YY1AP1: variants seen among roughly 807,000 people sequenced by gnomAD.
YY1AP1 encodes the protein YY1-associated protein 1.
YY1AP1 carries 43 observed loss-of-function variants against 39.9 expected under a neutral mutation model. That is an observed-to-expected ratio of 1.08 (90% CI 0.84 to 1.39). YY1AP1 has a LOEUF of 1.39. Among genes scored for constraint, YY1AP1 ranks in the 40% most tolerant of loss-of-function variants. The probability of loss-of-function intolerance (pLI) is 0.00; values close to 1 mark genes in which losing one functional copy is unlikely to be tolerated. For missense variants in YY1AP1, 813 were observed against 900.7 expected, an observed-to-expected ratio of 0.90 and a Z score of 1.25; for synonymous variants, 292 against 331.3, an observed-to-expected ratio of 0.88 and a Z score of 1.29.
intron 2 of YY1AP1, 161 bp downstream of exon 2, chr1:155,687,910 G>A: frequency 1.3e-6 from 1 of 783,006 alleles, no homozygotes; most frequent in Non-Finnish European, 1.9e-6. Context: ...GGACTTCCCG[G>A]TAGGCTCAGG....
intron 1 of YY1AP1, 54 bp from the exon 2 acceptor site, chr1:155,688,255 CTG>C (rs1302927439): frequency 6.2e-7 from 1 of 1,606,364 alleles, no homozygotes; most frequent in African/African-American, 1.3e-5. Context: ...AAGGGGCAAA[CTG>C]AGAGGAGGCG....
rs1423359846 is a variant in YY1AP1, at chr1:155,686,120, T to A, written c.-21+1951A>T. ...CGCAATCTCAGCTCACTGCAAGCTC[T>A]GCCTCCCGGGTTCACGCCATTCTCC... On this transcript the variant is annotated intron_variant, in intron 2 of 10. Transcript: ENST00000355499. 2.1e-5 allele frequency among the ~76,000 whole-genome samples: 3 copies of A among 145,822 alleles called. No individual in the cohort carries two copies. The East Asian group carries it at 6.4e-4, about 31-fold the overall frequency.
At chr1:155,688,262 G>C in intron 1 of YY1AP1, 61 bp from the exon 2 acceptor site, 1 of 1,602,740 alleles carries the variant, frequency 6.2e-7, no homozygotes, top group Middle Eastern at 1.7e-4. Context: ...AAACTGAGAG[G>C]AGGCGGATCC....
At chr1:155,668,552 C>A in intron 9 of YY1AP1, 75 bp downstream of exon 9, 1 of 1,609,786 alleles carries the variant, frequency 6.2e-7, no homozygotes, top group Non-Finnish European at 8.5e-7. Flanking sequence ...TTCTTCTTTT[C>A]TTTGAGAATA....
In YY1AP1 at chr1:155,659,827, T is replaced by C. The variant is rs1443030770; in HGVS notation, c.2083A>G (p.Asn695Asp). ...ACAACGGTCCAGCGATAGGCACTGT[T>C]CTCTGACAATCCTTCTTGGCACTGT... ...DKQCQEGLSE[N>D]SAYRWTVVKT... Residue 695 changes from asparagine (N) to aspartate (D), a missense_variant, in exon 11 of 11, where the codon AAC becomes GAC. Physicochemically the swap from Asn to Asp is conservative, Grantham distance 23. This residue lies in a region of YY1AP1 where 586 missense variants were observed against 647.4 expected (regional missense o/e 0.91). Coordinates refer to ENST00000355499, the MANE Select transcript of YY1AP1 (RefSeq NM_139119.3). 1 of 1,614,228 alleles carries C rather than the reference T, an allele frequency of 6.2e-7. No homozygotes were observed. The highest frequency in any genetic ancestry group is 1.1e-5 in the South Asian group (1 of 91,082).
intron 2 of YY1AP1, among the ~76,000 whole-genome samples, chr1:155,682,074 A>G (rs900486123): frequency 1.3e-5 from 2 of 152,158 alleles, no homozygotes; most frequent in Non-Finnish European, 1.5e-5. Context: ...ACAGTTTGAC[A>G]ATGCCCAATG....
Position 155,676,537 on chromosome 1 carries a change from GAA to G in YY1AP1, c.324+9_324+10del, listed in dbSNP as rs1369406812. On this transcript the variant is annotated intron_variant, in intron 5 of 10. Coordinates refer to ENST00000355499, the MANE Select transcript of YY1AP1 (RefSeq NM_139119.3). ...ATAATTCAATATTAATATGACCAAG[GAA>G]AGTGTTACCTGCTGCATCTGCTGCT... The G allele has an allele frequency of 6.2e-7, 1 of 1,613,818 alleles. No individual in the cohort carries two copies. The highest frequency in any genetic ancestry group is 8.5e-7 in the Non-Finnish European group (1 of 1,179,910).
chr1:155,660,280 G>A lies in YY1AP1; in HGVS notation c.1630C>T (p.Pro544Ser). 5 of 1,614,198 alleles carry A rather than the reference G, an allele frequency of 3.1e-6. No individual in the cohort carries two copies. The highest frequency in any genetic ancestry group is 4.2e-6 in the Non-Finnish European group (5 of 1,180,040). The change falls in exon 11 of 11, where the codon CCT (proline) becomes TCT (serine). Residue 544 changes from proline to serine, a missense_variant. This residue lies in a region of YY1AP1 where 586 missense variants were observed against 647.4 expected (regional missense o/e 0.91). Coordinates refer to ENST00000355499, the MANE Select transcript of YY1AP1 (RefSeq NM_139119.3). ...RGARAFRCIK[P>S]APVIHPASVI... ...GATGCAGGGTGGATAACAGGGGCAG[G>A]TTTGATACAGCGAAAGGCCCTGGCT...
rs1419937916 is a variant in YY1AP1 at position 155,666,878 on chromosome 1, T to TA, written c.879+1748dup. On this transcript the variant is annotated intron_variant, in intron 9 of 10. Coordinates refer to ENST00000355499, the MANE Select transcript of YY1AP1 (RefSeq NM_139119.3). ...AGCCAGGTGTGGTGGCGCATGCCTG[T>TA]AGTCCCAGCTACTTAGGAGGCTAAG... Among the ~76,000 whole-genome samples, 434 of 152,306 alleles carry TA rather than the reference T, an allele frequency of 2.8e-3. 6 individuals carry two copies. Among genetic ancestry groups the TA allele is most frequent in the East Asian group, 3.9e-3 (20 of 5,190 alleles).
intron 8 of YY1AP1, 117 bp downstream of exon 8, chr1:155,670,203 T>G (rs1308272292): frequency 7.1e-7 from 1 of 1,412,802 alleles, no homozygotes; most frequent in Non-Finnish European, 9.9e-7. Flanking sequence ...TCTGCTCATC[T>G]ATACTGCTTT....
At chr1:155,682,192 T>G (rs1030284838) in intron 2 of YY1AP1, among the ~76,000 whole-genome samples, 5 of 152,194 alleles carry the variant, frequency 3.3e-5, no homozygotes, top group African/African-American at 1.2e-4. Flanking sequence ...GTCGAAATGA[T>G]TATCATGTTA....
intron 6 of YY1AP1, among the ~76,000 whole-genome samples, chr1:155,674,362 T>C (rs1031831281): frequency 3.3e-5 from 5 of 152,148 alleles, no homozygotes; most frequent in African/African-American, 1.2e-4. Context: ...TTGCCCAGGC[T>C]GTTCTTGACC....
intron 6 of YY1AP1, among the ~76,000 whole-genome samples, chr1:155,673,499 TATTATC>T (rs1235788853): frequency 2.0e-5 from 3 of 151,998 alleles, no homozygotes; most frequent in Non-Finnish European, 4.4e-5. Context: ...AAGCTGAGAG[TATTATC>T]ATTACCTGTC....
In YY1AP1 at chr1:155,688,671, G is replaced by T; in HGVS notation, c.-164C>A. 6.5e-7 allele frequency: 1 copy of T among 1,532,566 alleles called. No individual in the cohort carries two copies. The highest frequency in any genetic ancestry group is 8.7e-7 in the Non-Finnish European group (1 of 1,146,000). 94.9% of individuals were successfully genotyped at this position (1,532,566 alleles called of 1,614,324 possible). ...CCCTCACGCGTACCTTCAGCGGCGC[G>T]AGCCCAAGCCTTCTCCACCTCCTCT... On this transcript the variant is annotated 5_prime_UTR_variant, in exon 1 of 11. Transcript: ENST00000355499.
intron 9 of YY1AP1, among the ~76,000 whole-genome samples, chr1:155,662,871 G>A (rs1249239666): frequency 6.6e-6 from 1 of 151,984 alleles, no homozygotes; most frequent in Non-Finnish European, 1.5e-5. Context: ...GGGTGTGGTG[G>A]TGCACGCCTG....
intron 3 of YY1AP1, 102 bp from the exon 4 acceptor site, chr1:155,679,614 A>G: frequency 6.3e-7 from 1 of 1,578,328 alleles, no homozygotes; most frequent in Non-Finnish European, 8.6e-7. Flanking sequence ...TACTTTAATA[A>G]TGCTGGCACC....
chr1:155,669,161 G>T (rs986386523), intron 8 of YY1AP1, among the ~76,000 whole-genome samples: 1 of 152,180 alleles, frequency 6.6e-6, no homozygotes, highest in African/African-American at 2.4e-5. Flanking sequence ...AGCCTCCTGA[G>T]TATCTGTGGC....
chr1:155,664,902 T>C (rs897438514), intron 9 of YY1AP1, among the ~76,000 whole-genome samples: 3 of 151,394 alleles, frequency 2.0e-5, no homozygotes, highest in African/African-American at 7.3e-5. Flanking sequence ...CCAGAGTACC[T>C]GGGACTACAG....
At chr1:155,665,583 C>T (rs1207998207) in intron 9 of YY1AP1, among the ~76,000 whole-genome samples, 3 of 151,208 alleles carry the variant, frequency 2.0e-5, no homozygotes, top group Non-Finnish European at 4.4e-5. Flanking sequence ...GCCTGGGCAA[C>T]AAAGCGAGAC....
Sources: allele counts gnomAD v4.1 joint callset (sites outside exome capture counted in the v4.1 genomes callset), GRCh38; gene constraint gnomAD v4.1.1; regional missense constraint gnomAD v4.1.1; transcripts MANE v1.5; gene names NCBI Gene and HGNC (gene_info 2026-07-23, HGNC 2026-07-21).